Variants in AXL observed in about 807,000 individuals in gnomAD.
AXL encodes AXL receptor tyrosine kinase, also known as tyrosine-protein kinase receptor UFO.
A neutral mutation model predicts 104.5 loss-of-function variants in AXL; 52 were observed. The ratio of observed to expected loss-of-function variants is 0.50; its 90% CI spans 0.40 to 0.63. The LOEUF is 0.63. Among genes scored for constraint, AXL ranks in the 20% least tolerant of loss-of-function variants. AXL has a pLI of 0.00. For missense variants in AXL, 1,024 were observed against 1,188.5 expected (o/e 0.86, Z 2.04); for synonymous variants, 455 against 473.7 (o/e 0.96, Z 0.51).
At chr19:41,245,462 G>A (rs901749090) in intron 12 of AXL, among the ~76,000 whole-genome samples, 2 of 152,124 alleles carry the variant, frequency 1.3e-5, no homozygotes, top group African/African-American at 2.4e-5. Context: ...AGTGGCTCAC[G>A]CCTGTAATCT....
At chr19:41,221,598 CT>C in intron 3 of AXL, 1 of 512,854 alleles carries the variant, frequency 1.9e-6, no homozygotes, top group Non-Finnish European at 3.4e-6. Context: ...CCAGCGGTCT[CT>C]TTTTTCTCAT....
rs1321547311 is a variant in AXL, at chr19:41,253,492, T to C, written c.1927-107T>C. On this transcript the variant is annotated intron_variant, in intron 16 of 19. Transcript: ENST00000301178. ...GGGTTGGGTTGAATTGTCAGGGCCA[T>C]GGGAAACCACTGCGGGCAGAGCTAG... The C allele has an allele frequency of 1.2e-5, 10 of 837,428 alleles. No homozygotes were observed. In the Admixed American group the frequency reaches 1.7e-4, roughly 14 times the overall value. 51.9% of individuals were successfully genotyped at this position (837,428 alleles called of 1,614,324 possible).
At chr19:41,243,585 C>T in intron 11 of AXL, 31 bp from the exon 12 acceptor site, 2 of 1,571,742 alleles carry the variant, frequency 1.3e-6, no homozygotes, top group Non-Finnish European at 1.8e-6. Context: ...ATGGTTTTTC[C>T]CTGCCCTCAC....
intron 4 of AXL, among the ~76,000 whole-genome samples, chr19:41,226,521 C>T (rs1348261277): frequency 1.3e-5 from 2 of 152,206 alleles, no homozygotes; most frequent in Non-Finnish European, 2.9e-5. Flanking sequence ...CCTCCCCTTT[C>T]CGGCCTCTGC....
intron 17 of AXL, among the ~76,000 whole-genome samples, chr19:41,255,930 A>G (rs2034445663): frequency 6.6e-6 from 1 of 152,078 alleles, no homozygotes; most frequent in Non-Finnish European, 1.5e-5. Context: ...CTTTTAGTAG[A>G]GACAGAGTTT....
Position 41,261,390 on chromosome 19 carries a change from C to T in AXL, c.*1486C>T, listed in dbSNP as rs1051008. ...GGACCATGGTTAAGAGTCCAAGAATCCACATTTCTAAAATCTTATAGTTCT... is the reference window on the plus strand; with the variant it reads ...GGACCATGGTTAAGAGTCCAAGAATTCACATTTCTAAAATCTTATAGTTCT... On this transcript the variant is annotated 3_prime_UTR_variant, in exon 20 of 20. Transcript: ENST00000301178. The T allele has an allele frequency of 0.074, 11,294 of 152,646 alleles. 964 individuals carry two copies. The highest frequency in any genetic ancestry group is 0.2 in the African/African-American group (8,375 of 41,506). The allele number at this position is 152,646 out of a possible 1,614,324, so 9.5% of individuals were successfully genotyped here.
Position 41,259,588 on chromosome 19 carries a change from C to T in AXL, c.2369C>T (p.Pro790Leu), listed in dbSNP as rs1183784631. Residue 790 changes from proline (P) to leucine (L), a missense_variant, in exon 20 of 20, where the codon CCC becomes CTC. Pro to Leu is a moderately conservative substitution (Grantham distance 98). This residue lies in a region of AXL where 523 missense variants were observed against 636.0 expected (regional missense o/e 0.82). Transcript: ENST00000301178. ...ATGTCGCGGTGCTGGGAGCTAAATC[C>T]CCAGGACCGGCCAAGTTTTACAGAG... ...ALMSRCWELN[P>L]QDRPSFTELR... is the part of the protein sequence containing the mutation. 1.2e-6 allele frequency: 2 copies of T among 1,612,536 alleles called. No individual in the cohort carries two copies. Among genetic ancestry groups the T allele is most frequent in the Non-Finnish European group, 1.7e-6 (2 of 1,179,146 alleles).
In AXL at chr19:41,239,174, A is replaced by AC. The variant is rs2034136242; in HGVS notation, c.1146dup (p.Ile383HisfsTer104). On this transcript the variant is annotated frameshift_variant, in exon 9 of 20. Transcript: ENST00000301178. LOFTEE classifies it high-confidence loss of function. The stretch of plus-strand genomic sequence containing the variant: ...TTCTGGACCTCCTAGGTGCTAATGG[A>AC]CATAGGGCTAAGGCAAGAGGTGACC... 6.2e-7 allele frequency: 1 copy of AC among 1,613,202 alleles called. No homozygotes were observed. Among genetic ancestry groups the AC allele is most frequent in the African/African-American group, 1.3e-5 (1 of 74,788 alleles).
In AXL at chr19:41,220,970, A is replaced by C. The variant is rs906592420; in HGVS notation, c.308+112A>C. 4.6e-6 allele frequency: 6 copies of C among 1,318,462 alleles called. No homozygotes were observed. The African/African-American group carries it at 8.8e-5, about 19-fold the overall frequency. The allele number at this position is 1,318,462 out of a possible 1,614,324, so 81.7% of individuals were successfully genotyped here. ...ACTTGTCAGCCGTGCGGCTTTGAGC[A>C]TGTGATGGAACCTCTAGGTTTCGTT... On this transcript the variant is annotated intron_variant, in intron 2 of 19. Coordinates refer to ENST00000301178, the MANE Select transcript of AXL (RefSeq NM_021913.5).
intron 3 of AXL, 24 bp downstream of exon 3, chr19:41,221,270 T>A (rs746215932): frequency 6.2e-7 from 1 of 1,604,082 alleles, no homozygotes; most frequent in Admixed American, 1.7e-5. Flanking sequence ...TCAGGGGTCC[T>A]GAGGGGTCAG....
chr19:41,221,269 C>T (rs774773267), intron 3 of AXL, 23 bp downstream of exon 3: 55 of 1,604,866 alleles, frequency 3.4e-5, no homozygotes, highest in Non-Finnish European at 4.6e-5. Flanking sequence ...GTCAGGGGTC[C>T]TGAGGGGTCA....
intron 12 of AXL, among the ~76,000 whole-genome samples, chr19:41,246,514 C>A (rs972212596): frequency 6.7e-6 from 1 of 148,898 alleles, no homozygotes; most frequent in South Asian, 2.1e-4. Context: ...CCAGTGTGGG[C>A]AACATGGCAA....
intron 1 of AXL, among the ~76,000 whole-genome samples, chr19:41,219,713 G>A (rs1441093912): frequency 1.3e-5 from 2 of 150,670 alleles, no homozygotes; most frequent in African/African-American, 2.4e-5. Flanking sequence ...GAGAGGACCC[G>A]GAGAGACAGA....
intron 12 of AXL, among the ~76,000 whole-genome samples, chr19:41,246,825 GT>G: frequency 2.1e-5 from 1 of 47,862 alleles, no homozygotes; most frequent in Non-Finnish European, 4.0e-5. Context: ...AAGTTGCTGG[GT>G]GAACCACTGT....
At chr19:41,243,575 A>T in intron 11 of AXL, 41 bp from the exon 12 acceptor site, 1 of 1,506,250 alleles carries the variant, frequency 6.6e-7, no homozygotes, top group Non-Finnish European at 9.2e-7. Flanking sequence ...GGGGTTCCAC[A>T]TGGTTTTTCC....
At chr19:41,233,508 G>A (rs2034028758) in intron 6 of AXL, among the ~76,000 whole-genome samples, 1 of 151,568 alleles carries the variant, frequency 6.6e-6, no homozygotes, top group Non-Finnish European at 1.5e-5. Context: ...GCACACACCT[G>A]TAGTCCCAGA....
At chr19:41,241,853 A>G (rs2034188226) in intron 10 of AXL, among the ~76,000 whole-genome samples, 1 of 152,248 alleles carries the variant, frequency 6.6e-6, no homozygotes, top group South Asian at 2.1e-4. Context: ...AAAAACAAAC[A>G]AACAAAAAAA....
At chr19:41,219,584 A>G in intron 1 of AXL, 107 bp downstream of exon 1, 1 of 1,314,984 alleles carries the variant, frequency 7.6e-7, no homozygotes, top group Non-Finnish European at 1.1e-6. Context: ...TGGCTTAGGG[A>G]GTTTCCTTGG....
At chr19:41,222,205 C>A in intron 4 of AXL, 149 bp downstream of exon 4, 1 of 863,434 alleles carries the variant, frequency 1.2e-6, no homozygotes, top group Non-Finnish European at 1.7e-6. Flanking sequence ...CTGAGTCTGT[C>A]TCTGCCTCTC....
Sources: allele counts gnomAD v4.1 joint callset (sites outside exome capture counted in the v4.1 genomes callset), GRCh38; gene constraint gnomAD v4.1.1; regional missense constraint gnomAD v4.1.1; transcripts MANE v1.5; gene names NCBI Gene and HGNC (gene_info 2026-07-23, HGNC 2026-07-21).